Variants in DUSP16 observed in about 807,000 individuals in gnomAD.
DUSP16 encodes dual specificity protein phosphatase 16.
DUSP16 carries 21 observed loss-of-function variants against 58.3 expected under a neutral mutation model. The observed-to-expected ratio is 0.36, with a 90% CI of 0.26 to 0.52. The LOEUF (loss-of-function observed/expected upper bound fraction) is 0.52. Ranked by LOEUF, DUSP16 falls within the 20% of genes least tolerant of loss-of-function variation. The pLI, the probability that DUSP16 is intolerant of heterozygous loss-of-function variation, is 0.94. For synonymous variants in DUSP16, 320 were observed against 323.8 expected, an observed-to-expected ratio of 0.99 and a Z score of 0.12; for missense variants, 726 against 819.0, an observed-to-expected ratio of 0.89 and a Z score of 1.39.
At chr12:12,486,186 A>G (rs1943678812) in intron 5 of DUSP16, among the ~76,000 whole-genome samples, 1 of 152,076 alleles carries the variant, frequency 6.6e-6, no homozygotes, top group Non-Finnish European at 1.5e-5. Flanking sequence ...GCTCCAACTT[A>G]TGTAACTGGG....
chr12:12,495,012 C>T (rs551413515), intron 4 of DUSP16, among the ~76,000 whole-genome samples: 6 of 152,196 alleles, frequency 3.9e-5, no homozygotes, highest in Admixed American at 1.3e-4. Context: ...TACCACTCAT[C>T]GCCTGGGTGA....
In DUSP16 at chr12:12,474,667, G is replaced by C. The variant is rs1466481994; in HGVS notation, c.*2166C>G. The C allele has an allele frequency of 4.1e-5, 1 of 24,282 alleles. No individual in the cohort carries two copies. Among genetic ancestry groups the C allele is most frequent in the Non-Finnish European group, 4.0e-4 (1 of 2,520 alleles). The allele number at this position is 24,282 out of a possible 1,614,324, so 1.5% of individuals were successfully genotyped here. On this transcript the variant is annotated 3_prime_UTR_variant, in exon 7 of 7. Transcript: ENST00000298573. ...TGTGACTACATCACAGTTCCAGAAG[G>C]AAGGGGGACCATGGCCAAGAGAAGC...
intron 1 of DUSP16, among the ~76,000 whole-genome samples, chr12:12,531,691 C>T (rs561438900): frequency 1.1e-4 from 17 of 151,230 alleles, no homozygotes; most frequent in African/African-American, 2.2e-4. Flanking sequence ...GCCAACAGGG[C>T]GAAACCCCGT....
chr12:12,535,973 C>T (rs1944456734), intron 1 of DUSP16, among the ~76,000 whole-genome samples: 1 of 152,206 alleles, frequency 6.6e-6, no homozygotes, highest in South Asian at 2.1e-4. Context: ...ATCCTGAAGT[C>T]TAAAGCCATC....
chr12:12,506,258 A>G (rs1294749057), intron 3 of DUSP16: 3 of 152,230 alleles, frequency 2.0e-5, no homozygotes, highest in African/African-American at 7.2e-5. Context: ...GTTCTCTTAC[A>G]AACAAGATCC....
intron 4 of DUSP16, among the ~76,000 whole-genome samples, chr12:12,490,086 A>C (rs904258263): frequency 1.3e-5 from 2 of 152,176 alleles, no homozygotes; most frequent in African/African-American, 4.8e-5. Flanking sequence ...TCAAATTTTT[A>C]AACATTTTTT....
chr12:12,516,442 G>A (rs990074291), intron 3 of DUSP16, among the ~76,000 whole-genome samples: 4 of 152,192 alleles, frequency 2.6e-5, no homozygotes, highest in African/African-American at 9.7e-5. Flanking sequence ...TAATTATTCT[G>A]ACTGTTCTCA....
chr12:12,515,390 C>T (rs910034959), intron 3 of DUSP16, among the ~76,000 whole-genome samples: 30 of 150,236 alleles, frequency 2.0e-4, no homozygotes, highest in Non-Finnish European at 3.7e-4. Flanking sequence ...TGCAATGGTG[C>T]GATCTTGGCT....
chr12:12,529,335 C>T (rs1944350096), intron 1 of DUSP16, among the ~76,000 whole-genome samples: 1 of 152,188 alleles, frequency 6.6e-6, no homozygotes, highest in Non-Finnish European at 1.5e-5. Context: ...GTCTCAAACT[C>T]CTGGGCTCAA....
rs1943489760 is a variant in DUSP16 at position 12,477,974 on chromosome 12, T to C, written c.857A>G (p.Asn286Ser). Residue 286 changes from asparagine (N) to serine (S), a missense_variant, in exon 7 of 7, where the codon AAT (asparagine) becomes AGT (serine). Physicochemically the swap from Asn to Ser is conservative, Grantham distance 46. Coordinates refer to ENST00000298573, the MANE Select transcript of DUSP16 (RefSeq NM_030640.3). This position sits in a 1 kb window ranked among gnomAD's most constrained non-coding sequence, Gnocchi z 4.1. ...EKRPTISPNF[N>S]FLGQLLDYEK... is the part of the protein sequence containing the mutation. ...ATAGTCCAGGAGTTGGCCCAGAAAA[T>C]TGAAGTTTGGAGATATAGTAGGTCT... is the stretch of plus-strand genomic sequence containing the variant. The C allele has an allele frequency of 3.1e-6, 5 of 1,608,734 alleles. No homozygotes were observed. The South Asian group carries it at 5.5e-5, about 18-fold the overall frequency.
Position 12,476,665 on chromosome 12 carries a change from AG to A in DUSP16, c.*167del, listed in dbSNP as rs1275398651. The A allele has an allele frequency of 2.1e-5, 12 of 580,140 alleles. No homozygotes were observed. Among genetic ancestry groups the A allele is most frequent in the Non-Finnish European group, 3.5e-5 (12 of 338,800 alleles). 35.9% of individuals were successfully genotyped at this position (580,140 alleles called of 1,614,324 possible). On this transcript the variant is annotated 3_prime_UTR_variant, in exon 7 of 7. Coordinates refer to ENST00000298573, the MANE Select transcript of DUSP16 (RefSeq NM_030640.3). ...AAGTATTAGCTGATCTCTCAAATGC[AG>A]ATGTTAAGAGAGTAACAACTGGGTT... is the stretch of plus-strand genomic sequence containing the variant.
intron 1 of DUSP16, among the ~76,000 whole-genome samples, chr12:12,535,857 G>C (rs1944455205): frequency 6.6e-6 from 1 of 152,196 alleles, no homozygotes; most frequent in Admixed American, 6.5e-5. Flanking sequence ...AAACGCATGA[G>C]CAAAGACAGA....
intron 1 of DUSP16, among the ~76,000 whole-genome samples, chr12:12,525,805 G>C (rs1007632686): frequency 6.6e-6 from 1 of 151,328 alleles, no homozygotes; most frequent in African/African-American, 2.4e-5. Flanking sequence ...CTAAGAAGCT[G>C]ACAAGTAACT....
chr12:12,486,964 A>G (rs1415754561), intron 5 of DUSP16, 64 bp downstream of exon 5: 1 of 1,578,234 alleles, frequency 6.3e-7, no homozygotes, highest in African/African-American at 1.4e-5. Flanking sequence ...TGGGGGGCTG[A>G]GGGGGTTCAC....
chr12:12,532,756 TG>T (rs1422684039), intron 1 of DUSP16, among the ~76,000 whole-genome samples: 1 of 152,086 alleles, frequency 6.6e-6, no homozygotes, highest in Non-Finnish European at 1.5e-5. Flanking sequence ...GAGAACTACT[TG>T]GCCAACATGG....
rs117512396 is a variant in DUSP16, at chr12:12,473,871, G to A, written c.*2962C>T. On this transcript the variant is annotated 3_prime_UTR_variant, in exon 7 of 7. Transcript: ENST00000298573. ...CGTAACATCATTTACATGTTATATC[G>A]AAATGGGCCATGTGTGTGTAGCTGG... Among the ~76,000 whole-genome samples the A allele has an allele frequency of 2.9e-4, 44 of 152,258 alleles. No homozygotes were observed. In the East Asian group the frequency reaches 5.6e-3, roughly 19 times the overall value.
At chr12:12,539,109 TCTC>T (rs1944511954) in intron 1 of DUSP16, among the ~76,000 whole-genome samples, 1 of 152,196 alleles carries the variant, frequency 6.6e-6, no homozygotes, top group Middle Eastern at 3.4e-3. Context: ...TCCTTTACCT[TCTC>T]CTAAAAAACT....
chr12:12,525,483 C>T (rs1269265660), intron 1 of DUSP16, among the ~76,000 whole-genome samples: 3 of 151,468 alleles, frequency 2.0e-5, no homozygotes, highest in African/African-American at 7.3e-5. Flanking sequence ...AGGCTGGTCT[C>T]GAACTCCCGA....
At chr12:12,481,214 G>A (rs757598612) in intron 5 of DUSP16, among the ~76,000 whole-genome samples, 1 of 152,130 alleles carries the variant, frequency 6.6e-6, no homozygotes, top group Non-Finnish European at 1.5e-5. Flanking sequence ...ACAACATGAT[G>A]GAAGGACTCA....
Sources: gnomAD v4.1 joint callset for allele counts (sites outside exome capture counted in the v4.1 genomes callset) on GRCh38, gnomAD v4.1.1 for gene constraint, Gnocchi (gnomAD v3.1) non-coding constraint, MANE v1.5 for transcripts, NCBI Gene and HGNC (gene_info 2026-07-23, HGNC 2026-07-21) for gene names.